Variants in GPHN observed in about 807,000 individuals in gnomAD.
GPHN encodes gephyrin.
A neutral mutation model predicts 95.5 loss-of-function variants in GPHN; 17 were observed. That is an observed-to-expected ratio of 0.18 (90% confidence interval 0.12 to 0.27). The LOEUF (loss-of-function observed/expected upper bound fraction) is 0.27, where lower values mean the gene tolerates loss of function less well. Among genes scored for constraint, GPHN ranks in the 10% least tolerant of loss-of-function variants. GPHN has a pLI of 1.00. For synonymous variants in GPHN, 320 were observed against 322.5 expected, an observed-to-expected ratio of 0.99 and a Z score of 0.08; for missense variants, 660 against 978.1, an observed-to-expected ratio of 0.67 and a Z score of 4.34.
At chr14:67,576,382 C>A in the GPHN span, 1 of 1,528,566 alleles carries the variant, frequency 6.5e-7, no homozygotes, top group Admixed American at 1.7e-5. The surrounding 1 kb of genome is among the most constrained non-coding windows in gnomAD (Gnocchi z 4.0). Flanking sequence ...GATGGCTTTC[C>A]GCCCTCTTCC....
chr14:66,870,996 A>G (rs2063411483), intron 4 of GPHN, among the ~76,000 whole-genome samples: 1 of 152,238 alleles, frequency 6.6e-6, no homozygotes, highest in Non-Finnish European at 1.5e-5. Context: ...ATCACTCTCC[A>G]GTGGTCTGGC....
intron 1 of GPHN, among the ~76,000 whole-genome samples, chr14:66,531,445 A>G (rs2058935209): frequency 1.3e-5 from 2 of 152,168 alleles, no homozygotes; most frequent in Non-Finnish European, 2.9e-5. Flanking sequence ...CAAAACAAAC[A>G]AACAAAAAAA....
At chr14:67,299,424 C>G in the GPHN span, among the ~76,000 whole-genome samples, 2 of 152,004 alleles carry the variant, frequency 1.3e-5, no homozygotes, top group East Asian at 1.9e-4. Context: ...TATCAATTTT[C>G]TGATTTTTCA....
the GPHN span, among the ~76,000 whole-genome samples, chr14:67,466,037 A>G: frequency 6.6e-6 from 1 of 152,186 alleles, no homozygotes; most frequent in Admixed American, 6.5e-5. Context: ...TCTGCCTTCC[A>G]GAAGTGTGAC....
At chr14:66,790,286 G>A (rs530760581) in intron 3 of GPHN, among the ~76,000 whole-genome samples, 37 of 152,246 alleles carry the variant, frequency 2.4e-4, no homozygotes, top group Admixed American at 1.6e-3. Flanking sequence ...ATGGAGGAGA[G>A]GTGAATCAAC....
At chr14:67,378,720 T>C in the GPHN span, among the ~76,000 whole-genome samples, 23 of 152,350 alleles carry the variant, frequency 1.5e-4, no homozygotes, top group African/African-American at 5.0e-4. Flanking sequence ...TTATTCCCTT[T>C]TCCTTAGCAC....
At chr14:66,635,429 G>A (rs2064044056) in intron 1 of GPHN, among the ~76,000 whole-genome samples, 1 of 151,978 alleles carries the variant, frequency 6.6e-6, no homozygotes, top group Non-Finnish European at 1.5e-5. Flanking sequence ...AAGATTATTA[G>A]CAATTTTCCA....
At chr14:67,321,003 C>T in the GPHN span, 2 of 1,453,024 alleles carry the variant, frequency 1.4e-6, no homozygotes, top group Admixed American at 3.4e-5. Context: ...AGAATTATCC[C>T]CTGTCCTCAC....
At chr14:67,051,444 A>G (rs779474913) in intron 10 of GPHN, among the ~76,000 whole-genome samples, 3 of 152,236 alleles carry the variant, frequency 2.0e-5, no homozygotes, top group Non-Finnish European at 4.4e-5. Flanking sequence ...AAAACCTCTG[A>G]GAACTATGGG....
the GPHN span, chr14:67,570,515 C>T: frequency 1.1e-4 from 18 of 156,658 alleles, no homozygotes; most frequent in Non-Finnish European, 2.3e-4. Flanking sequence ...CCTCTCACGT[C>T]GCTTTTCCCT....
the GPHN span, among the ~76,000 whole-genome samples, chr14:67,657,624 C>CACA: frequency 0.018 from 2,539 of 143,122 alleles, 33 homozygotes; most frequent in East Asian, 0.087. Context: ...ACACACACAC[C>CACA]CAAAATCAAA....
the GPHN span, among the ~76,000 whole-genome samples, chr14:67,464,032 G>C: frequency 6.6e-6 from 1 of 152,142 alleles, no homozygotes. Context: ...AGCTCACAGA[G>C]GTTAGTGTGC....
chr14:67,240,930 G>A, the GPHN span, among the ~76,000 whole-genome samples: 15 of 152,240 alleles, frequency 9.9e-5, no homozygotes, highest in Non-Finnish European at 1.9e-4. Flanking sequence ...TAGATTGGGT[G>A]ACTAACTTGA....
At chr14:67,555,865 G>C in the GPHN span, 15 of 1,613,702 alleles carry the variant, frequency 9.3e-6, no homozygotes, top group Non-Finnish European at 1.3e-5. Context: ...GCAGAGCAGA[G>C]AGCAGAGAAC....
chr14:66,634,616 G>C (rs536036970), intron 1 of GPHN, among the ~76,000 whole-genome samples: 1 of 152,132 alleles, frequency 6.6e-6, no homozygotes, highest in African/African-American at 2.4e-5. Flanking sequence ...CCTGGGCCGG[G>C]CTACACAGAT....
chr14:67,678,505 A>C, the GPHN span: 5 of 870,280 alleles, frequency 5.7e-6, no homozygotes, highest in Non-Finnish European at 9.4e-6. Context: ...TATGACATAA[A>C]AACAACTAGG....
At chr14:67,279,349 G>A in the GPHN span, 6 of 1,613,772 alleles carry the variant, frequency 3.7e-6, no homozygotes, top group African/African-American at 4.0e-5. Context: ...GAGCGTATTC[G>A]GCAACAACAG....
the GPHN span, among the ~76,000 whole-genome samples, chr14:67,546,862 C>T: frequency 6.6e-6 from 1 of 152,110 alleles, no homozygotes; most frequent in South Asian, 2.1e-4. Context: ...AATCCTGTCT[C>T]AAAGGATATA....
Position 67,122,247 on chromosome 14 carries a change from GCT to G in GPHN, c.1627-8_1627-7del. On this transcript the variant is annotated splice_region_variant and splice_polypyrimidine_tract_variant and intron_variant, in intron 16 of 22. Coordinates refer to ENST00000478722, the MANE Select transcript of GPHN (RefSeq NM_020806.5). ...TAGAATAATTTGTGGTGGTTTTTTG[GCT>G]TTGTAGCTGCTAAATCCTGAAGATG... 6.2e-7 allele frequency: 1 copy of G among 1,612,984 alleles called. No homozygotes were observed. The highest frequency in any genetic ancestry group is 2.2e-5 in the East Asian group (1 of 44,832).
Sources: gnomAD v4.1 joint callset for allele counts (sites outside exome capture counted in the v4.1 genomes callset) on GRCh38, gnomAD v4.1.1 for gene constraint, Gnocchi (gnomAD v3.1) non-coding constraint, MANE v1.5 for transcripts, NCBI Gene and HGNC (gene_info 2026-07-23, HGNC 2026-07-21) for gene names.